The following SORCS3 variants were observed in gnomAD, a reference collection of about 807,000 sequenced individuals.
SORCS3 encodes the protein sortilin related VPS10 domain containing receptor 3, also known as VPS10 domain-containing receptor SorCS3.
In SORCS3, 57 loss-of-function variants were observed where a neutral mutation model predicts 146.3. The ratio of observed to expected loss-of-function variants is 0.39; its 90% CI spans 0.31 to 0.49. SORCS3 has a LOEUF of 0.49. Ranked by LOEUF, SORCS3 falls within the 20% of genes least tolerant of loss-of-function variation. SORCS3 has a pLI of 0.92. For synonymous variants in SORCS3, 653 were observed against 618.5 expected, an observed-to-expected ratio of 1.06 and a Z score of -0.83; for missense variants, 1,341 against 1,575.5, an observed-to-expected ratio of 0.85 and a Z score of 2.52.
At chr10:105,011,336 CCTT>C (rs998114445) in intron 4 of SORCS3, among the ~76,000 whole-genome samples, 19 of 152,090 alleles carry the variant, frequency 1.2e-4, no homozygotes, top group Admixed American at 3.9e-4. Flanking sequence ...CCTTTGTAGT[CCTT>C]CTCTCCTTCC....
intron 4 of SORCS3, among the ~76,000 whole-genome samples, chr10:105,004,700 T>C (rs1175182311): frequency 6.6e-6 from 1 of 151,106 alleles, no homozygotes; most frequent in Non-Finnish European, 1.5e-5. Flanking sequence ...GGGTATAGAA[T>C]AGAGTAGAAG....
At chr10:104,760,022 C>G (rs1343256536) in intron 1 of SORCS3, among the ~76,000 whole-genome samples, 1 of 152,210 alleles carries the variant, frequency 6.6e-6, no homozygotes, top group Non-Finnish European at 1.5e-5. Flanking sequence ...AATAGCTGAG[C>G]TGAGATCTGA....
chr10:105,004,829 G>T (rs1463961116), intron 4 of SORCS3, among the ~76,000 whole-genome samples: 9 of 150,426 alleles, frequency 6.0e-5, no homozygotes, highest in Admixed American at 3.3e-4. Context: ...GGGGGCGGGG[G>T]GAGTGCATCG....
intron 14 of SORCS3, among the ~76,000 whole-genome samples, chr10:105,185,560 A>G (rs955458422): frequency 6.2e-4 from 94 of 152,174 alleles, no homozygotes; most frequent in African/African-American, 1.9e-3. Flanking sequence ...TGGATTCTAT[A>G]TCTGCAATTT....
At chr10:105,022,384 GC>G in intron 4 of SORCS3, among the ~76,000 whole-genome samples, 1 of 146,604 alleles carries the variant, frequency 6.8e-6, no homozygotes, top group South Asian at 2.1e-4. Context: ...TGCAACCTCT[GC>G]CCCCTAGGTT....
chr10:105,021,185 C>A lies in SORCS3; in HGVS notation c.955-21870C>A, dbSNP rs790642. ...TTTATTATAAACAAATTTATTGTCT[C>A]ATGGTTCTAGCTGCTGGAAAGTCCA... On this transcript the variant is annotated intron_variant, in intron 4 of 26. Coordinates refer to ENST00000369701, the MANE Select transcript of SORCS3 (RefSeq NM_014978.3). Among the ~76,000 whole-genome samples the A allele has an allele frequency of 8.4e-3, 1,279 of 152,252 alleles. 20 individuals are homozygous for A. The highest frequency in any genetic ancestry group is 0.03 in the African/African-American group (1,231 of 41,544).
intron 14 of SORCS3, among the ~76,000 whole-genome samples, chr10:105,185,319 G>A (rs1251555103): frequency 2.0e-5 from 3 of 152,068 alleles, no homozygotes; most frequent in African/African-American, 7.2e-5. Flanking sequence ...TTTTTCCAAT[G>A]GAGCCCACAT....
chr10:104,677,786 A>T (rs938572384), intron 1 of SORCS3, among the ~76,000 whole-genome samples: 9 of 152,258 alleles, frequency 5.9e-5, no homozygotes, highest in African/African-American at 2.2e-4. Flanking sequence ...GTTGTTTCTC[A>T]GTGTGACTTT....
At chr10:105,253,604 A>G (rs191167921) in intron 23 of SORCS3, among the ~76,000 whole-genome samples, 3 of 152,240 alleles carry the variant, frequency 2.0e-5, no homozygotes, top group Admixed American at 1.3e-4. Flanking sequence ...CTTTCTCATG[A>G]TGCTAAGTCA....
chr10:104,857,284 G>A (rs2018345120), intron 2 of SORCS3, among the ~76,000 whole-genome samples: 1 of 152,064 alleles, frequency 6.6e-6, no homozygotes, highest in African/African-American at 2.4e-5. Context: ...GCCAGACTGA[G>A]CAGTTTGAAA....
intron 17 of SORCS3, among the ~76,000 whole-genome samples, chr10:105,214,233 T>C (rs1031918065): frequency 2.6e-5 from 4 of 152,172 alleles, no homozygotes; most frequent in African/African-American, 9.7e-5. Context: ...GAGCTACTCT[T>C]ACCAAGATGG....
At chr10:104,940,321 C>A (rs563828734) in intron 3 of SORCS3, among the ~76,000 whole-genome samples, 1 of 131,690 alleles carries the variant, frequency 7.6e-6, no homozygotes, top group African/African-American at 3.2e-5. Flanking sequence ...TATACATGTG[C>A]CATGTTGGTG....
chr10:104,692,229 G>C (rs2016122188), intron 1 of SORCS3, among the ~76,000 whole-genome samples: 1 of 152,064 alleles, frequency 6.6e-6, no homozygotes, highest in African/African-American at 2.4e-5. Flanking sequence ...GGAGGCCTTG[G>C]GGAGAAATAA....
chr10:105,178,593 T>G (rs993058266), intron 14 of SORCS3, among the ~76,000 whole-genome samples: 17 of 151,028 alleles, frequency 1.1e-4, no homozygotes, highest in African/African-American at 3.4e-4. Flanking sequence ...TCTTTCTCTC[T>G]CTCATAGACA....
chr10:105,247,461 G>A, intron 22 of SORCS3, 130 bp downstream of exon 22: 2 of 535,012 alleles, frequency 3.7e-6, no homozygotes, highest in Admixed American at 3.5e-5. Flanking sequence ...TAAAAAGAGA[G>A]AGAAGAGGCT....
intron 6 of SORCS3, among the ~76,000 whole-genome samples, chr10:105,103,542 A>G (rs2055800827): frequency 6.6e-6 from 1 of 152,218 alleles, no homozygotes; most frequent in Non-Finnish European, 1.5e-5. Flanking sequence ...CACAGATGAC[A>G]AGAAAGTGTC....
rs2055572049 is a variant in SORCS3, at chr10:105,073,742, C to T, written c.1029-16033C>T. On this transcript the variant is annotated intron_variant, in intron 5 of 26. Transcript: ENST00000369701. ...AGTTCTGCCAGGGGAGCTGGTACCT[C>T]GGACTGGGTGGGGGTGTGGCATCAG... 4.6e-5 allele frequency among the ~76,000 whole-genome samples: 7 copies of T among 152,156 alleles called. 1 individual carries two copies. The South Asian group carries it at 1.5e-3, about 32-fold the overall frequency.
rs141588097 is a variant in SORCS3 at position 105,089,267 on chromosome 10, T to G, written c.1029-508T>G. On this transcript the variant is annotated intron_variant, in intron 5 of 26. Transcript: ENST00000369701. ...CAAGGCAGGAATAAAGAAGGAGACC[T>G]AGGATTAAACTCAGGAAGGAAGGAA... is the stretch of plus-strand genomic sequence containing the variant. 2.3e-4 allele frequency among the ~76,000 whole-genome samples: 35 copies of G among 152,314 alleles called. 1 individual carries two copies. The East Asian group carries it at 6.6e-3, about 29-fold the overall frequency.
chr10:105,136,682 T>C (rs553246880), intron 7 of SORCS3, among the ~76,000 whole-genome samples: 2 of 152,156 alleles, frequency 1.3e-5, no homozygotes, highest in Non-Finnish European at 2.9e-5. Flanking sequence ...TCATAGGATT[T>C]ACACTGAGGT....
Sources: gnomAD v4.1 joint callset for allele counts (sites outside exome capture counted in the v4.1 genomes callset) on GRCh38, gnomAD v4.1.1 for gene constraint, MANE v1.5 for transcripts, NCBI Gene and HGNC (gene_info 2026-07-23, HGNC 2026-07-21) for gene names.